Variants in IGSF1 observed in about 807,000 individuals in gnomAD.
IGSF1 encodes the protein immunoglobulin superfamily member 1, also known as immunoglobulin-like domain-containing protein 1.
In IGSF1, 40 loss-of-function variants were observed where a neutral mutation model predicts 95.3. That is an observed-to-expected ratio of 0.42 (90% CI 0.33 to 0.55). The LOEUF is 0.55. IGSF1 is among the 20% of genes least tolerant of loss of function. The probability of loss-of-function intolerance (pLI) is 0.10; values close to 1 mark genes in which losing one functional copy is unlikely to be tolerated. For synonymous variants in IGSF1, 372 were observed against 382.9 expected, an observed-to-expected ratio of 0.97 and a Z score of 0.33; for missense variants, 906 against 1,025.4, an observed-to-expected ratio of 0.88 and a Z score of 1.59.
intron 15 of IGSF1, 37 bp from the exon 16 acceptor site, chrX:131,275,802 G>A (rs781643397): frequency 8.5e-7 from 1 of 1,178,745 alleles, no homozygotes; most frequent in Non-Finnish European, 1.1e-6. Flanking sequence ...GGTGACTATA[G>A]AAACTTATGA....
rs1064796725 is a variant in IGSF1, at chrX:131,274,688, A to G, written c.3662T>C (p.Ile1221Thr). Reference sequence around the variant, plus strand: ...GCGGTAGCTGCAGCTGTAGTTTCCAATGCCTTTTCCTTCTACGTTGTTGAT... The same window carrying G: ...GCGGTAGCTGCAGCTGTAGTTTCCAGTGCCTTTTCCTTCTACGTTGTTGAT... Reference protein sequence around the residue: ...FVINNVEGKGIGNYSCSYRLQ... With the variant: ...FVINNVEGKGTGNYSCSYRLQ... The change falls in exon 18 of 20, where the codon ATT (isoleucine) becomes ACT (threonine). Residue 1221 changes from isoleucine to threonine, a missense_variant. Coordinates refer to ENST00000361420, the MANE Select transcript of IGSF1 (RefSeq NM_001555.5). The G allele has an allele frequency of 1.7e-6, 2 of 1,211,259 alleles. No individual in the cohort carries two copies. Among genetic ancestry groups the G allele is most frequent in the Admixed American group, 2.2e-5 (1 of 46,087 alleles).
At chrX:131,280,983 G>A (rs2080550349) in intron 9 of IGSF1, 2 of 343,731 alleles carry the variant, frequency 5.8e-6, no homozygotes, top group South Asian at 1.1e-4. Context: ...GTCAGTGAAT[G>A]CAGTTCTGAT....
intron 6 of IGSF1, 26 bp downstream of exon 6, chrX:131,282,954 A>G: frequency 8.7e-7 from 1 of 1,155,463 alleles, no homozygotes; most frequent in Non-Finnish European, 1.2e-6. Flanking sequence ...CGTTAACCTA[A>G]GTTTCATGGC....
intron 5 of IGSF1, among the ~76,000 whole-genome samples, chrX:131,283,945 G>A (rs1192473236): frequency 5.4e-5 from 6 of 112,019 alleles, no homozygotes; most frequent in South Asian, 3.7e-4. Flanking sequence ...TGCATCAAGC[G>A]TCATGTAGGT....
rs6637828 is a variant in IGSF1, at chrX:131,286,676, G to A, written c.-2C>T. 1 of 1,156,148 alleles carries A rather than the reference G, an allele frequency of 8.6e-7. No individual in the cohort carries two copies. The highest frequency in any genetic ancestry group is 1.8e-5 in the African/African-American group (1 of 54,135). ...CTCCCCTGGTCTGTCCAGGGTCATG[G>A]GGCCTCTGGTGCTGGCTGTGTGCTC... On this transcript the variant is annotated 5_prime_UTR_variant, in exon 2 of 20. Transcript: ENST00000361420.
Position 131,278,070 on chromosome X carries a change from C to A in IGSF1, c.2106G>T (p.Arg702=). 1 of 1,211,342 alleles carries A rather than the reference C, an allele frequency of 8.3e-7. No homozygotes were observed. Among genetic ancestry groups the A allele is most frequent in the African/African-American group, 1.7e-5 (1 of 57,829 alleles). ...CCATGCCTGCCAGCCATCCTTTGCACCGGAGTTGTAGTTCCTGGCCCCGGA... is the reference window on the plus strand; with the variant it reads ...CCATGCCTGCCAGCCATCCTTTGCAACGGAGTTGTAGTTCCTGGCCCCGGA... ...PTIRGQELQL[R]CKGWLAGMGF... Residue 702 remains arginine, a synonymous_variant, in exon 13 of 20, where the codon CGG becomes CGT. Coordinates refer to ENST00000361420, the MANE Select transcript of IGSF1 (RefSeq NM_001555.5).
chrX:131,281,789 C>G lies in IGSF1; in HGVS notation c.1402G>C (p.Asp468His), dbSNP rs770402126. Residue 468 changes from aspartate to histidine, a missense_variant, in exon 8 of 20, where the codon GAC (aspartate) becomes CAC (histidine). Asp to His is a moderately conservative substitution (Grantham distance 81, BLOSUM62 -1). This residue lies in a region of IGSF1 where 442 missense variants were observed against 448.1 expected (regional missense o/e 0.99). Transcript: ENST00000361420. ...CCGTCAACATTACTGATGATGAAGT[C>G]TCCGTTTACTGAGAATTTTTGGAAT... is the stretch of plus-strand genomic sequence containing the variant. ...ETFQKFSVNG[D>H]FIISNVDGKG... 3 of 1,209,657 alleles carry G rather than the reference C, an allele frequency of 2.5e-6. No homozygotes were observed. The African/African-American group carries it at 5.3e-5, about 21-fold the overall frequency.
chrX:131,284,333 G>T (rs1414085183), intron 5 of IGSF1: 3 of 172,617 alleles, frequency 1.7e-5, no homozygotes, highest in Non-Finnish European at 2.8e-5. Context: ...GATAGATACT[G>T]TTATCCCATT....
Position 131,279,279 on chromosome X carries a change from A to G in IGSF1, c.1709T>C (p.Leu570Pro). 8.3e-7 allele frequency: 1 copy of G among 1,210,596 alleles called. No homozygotes were observed. Among genetic ancestry groups the G allele is most frequent in the South Asian group, 1.8e-5 (1 of 56,907 alleles). ...VTMLFIVTAL[L>P]CCGLCNGVLI... is the part of the protein sequence containing the mutation. ...CCCCCACTTGTACTCACCACAGCAGAGAAGGGCCGTGACTATGAAGAGCAT... is the reference window on the plus strand; with the variant it reads ...CCCCCACTTGTACTCACCACAGCAGGGAAGGGCCGTGACTATGAAGAGCAT... The change falls in exon 10 of 20, where the codon CTC becomes CCC. Residue 570 changes from leucine (L) to proline (P), a missense_variant. By Grantham distance (98) the Leu-to-Pro change is moderately conservative (BLOSUM62 -3). Coordinates refer to ENST00000361420, the MANE Select transcript of IGSF1 (RefSeq NM_001555.5).
In IGSF1 at chrX:131,274,741, C is replaced by G. The variant is rs2080455294; in HGVS notation, c.3609G>C (p.Gln1203His). The change falls in exon 18 of 20, where the codon CAG becomes CAC. Residue 1203 changes from glutamine to histidine, a missense_variant. By Grantham distance (24) the Gln-to-His change is conservative. This residue lies in a region of IGSF1 where 411 missense variants were observed against 494.9 expected (regional missense o/e 0.83). Transcript: ENST00000361420. ...VLEHDGEEAPQQFSEDGDFVI... is the reference protein window; with the variant it reads ...VLEHDGEEAPHQFSEDGDFVI... ...CAAAGTCTCCATCCTCTGAAAACTGCTGAGGTGCTTCTTCTCCATCATGTT... is the reference window on the plus strand; with the variant it reads ...CAAAGTCTCCATCCTCTGAAAACTGGTGAGGTGCTTCTTCTCCATCATGTT... The G allele has an allele frequency of 8.3e-7, 1 of 1,211,787 alleles. No homozygotes were observed. Among genetic ancestry groups the G allele is most frequent in the Non-Finnish European group, 1.1e-6 (1 of 895,451 alleles).
chrX:131,283,185 T>G lies in IGSF1; in HGVS notation c.747A>C (p.Gln249His). The change falls in exon 6 of 20, where the codon CAA (glutamine) becomes CAC (histidine). Residue 249 changes from glutamine to histidine, a missense_variant. Around this residue, in one of 5 missense-constraint regions of IGSF1, gnomAD observed 442 missense variants for 448.1 expected, o/e 0.99. Coordinates refer to ENST00000361420, the MANE Select transcript of IGSF1 (RefSeq NM_001555.5). ...CAAAGGTCATTCCATAGATTGGCCC[T>G]TGGCACCTGAGATTCAGGCTTTCTC... ...APGESLNLRC[Q>H]GPIYGMTFAL... The G allele has an allele frequency of 8.3e-7, 1 of 1,210,484 alleles. No homozygotes were observed. The highest frequency in any genetic ancestry group is 1.7e-5 in the African/African-American group (1 of 57,915).
intron 9 of IGSF1, 163 bp downstream of exon 9, chrX:131,281,055 C>G: frequency 1.9e-6 from 1 of 533,925 alleles, no homozygotes; most frequent in East Asian, 3.5e-5. Flanking sequence ...GCTGACCCCT[C>G]TGTGAGGCGA....
At chrX:131,284,348 G>A (rs1281900069) in intron 5 of IGSF1, 2 of 188,062 alleles carry the variant, frequency 1.1e-5, no homozygotes, top group African/African-American at 6.2e-5. Flanking sequence ...CCCATTTTTA[G>A]AGTAGAGGAA....
At chrX:131,278,159 A>G (rs985728321) in intron 12 of IGSF1, 25 bp from the exon 13 acceptor site, 1 of 1,185,725 alleles carries the variant, frequency 8.4e-7, no homozygotes, top group Non-Finnish European at 1.1e-6. Context: ...GGGGTGAAAA[A>G]GGAGTCAGAA....
chrX:131,286,892 C>G (rs1326852694), intron 1 of IGSF1, among the ~76,000 whole-genome samples, 151 bp from the exon 2 acceptor site: 2 of 110,964 alleles, frequency 1.8e-5, no homozygotes, highest in South Asian at 7.7e-4. Context: ...CTCCTTGCTC[C>G]TTTCCCTCAC....
At chrX:131,276,312 A>G in intron 14 of IGSF1, 64 bp from the exon 15 acceptor site, 10 of 961,242 alleles carry the variant, frequency 1.0e-5, no homozygotes, top group Non-Finnish European at 1.3e-5. Flanking sequence ...ATAGCCTTTT[A>G]AAGTGTTATT....
At chrX:131,288,698 A>T (rs1324043862) in intron 1 of IGSF1, among the ~76,000 whole-genome samples, 1 of 111,032 alleles carries the variant, frequency 9.0e-6, no homozygotes, top group Non-Finnish European at 1.9e-5. Flanking sequence ...GGGGAACATG[A>T]GAACAGCCCC....
chrX:131,276,346 G>T, intron 14 of IGSF1, 98 bp from the exon 15 acceptor site: 1 of 692,459 alleles, frequency 1.4e-6, no homozygotes, highest in Non-Finnish European at 2.1e-6. Context: ...TATGTTTGTT[G>T]TTAAAAATTA....
Position 131,275,559 on chromosome X carries a change from GC to G in IGSF1, c.3102del (p.Arg1035ValfsTer25). Reference sequence around the variant, plus strand: ...TCAGGGTGGTAGCAGCAGCTGTAACGCCCCATGCTAGTACCAGATATATTGG... The same window carrying G: ...TCAGGGTGGTAGCAGCAGCTGTAACGCCCATGCTAGTACCAGATATATTGG... ...PITNISGTSM[G>X]RYSCCYHPDW... is the part of the protein sequence containing the mutation. On this transcript the variant is annotated frameshift_variant, in exon 16 of 20. Coordinates refer to ENST00000361420, the MANE Select transcript of IGSF1 (RefSeq NM_001555.5). 1 of 1,209,503 alleles carries G rather than the reference GC, an allele frequency of 8.3e-7. No individual in the cohort carries two copies. The highest frequency in any genetic ancestry group is 1.1e-6 in the Non-Finnish European group (1 of 893,537).
Sources: gnomAD v4.1 joint callset for allele counts (sites outside exome capture counted in the v4.1 genomes callset) on GRCh38, gnomAD v4.1.1 for gene constraint, gnomAD v4.1.1 regional missense constraint, MANE v1.5 for transcripts, NCBI Gene and HGNC (gene_info 2026-07-23, HGNC 2026-07-21) for gene names.